The following CCDC178 variants were observed in gnomAD, a reference collection of about 807,000 sequenced individuals.
CCDC178 encodes the protein coiled-coil domain-containing protein 178.
In CCDC178, 126 loss-of-function variants were observed where a neutral mutation model predicts 117.4. The observed-to-expected ratio is 1.07, with a 90% confidence interval of 0.93 to 1.24. The LOEUF (loss-of-function observed/expected upper bound fraction) is 1.24. CCDC178 is among the 50% of genes most tolerant of loss of function. The pLI is 0.00. For synonymous variants in CCDC178, 283 were observed against 313.4 expected (o/e 0.90, Z 1.02); for missense variants, 1,030 against 986.9 (o/e 1.04, Z -0.59).
chr18:32,996,954 T>A (rs1276696530), intron 21 of CCDC178, among the ~76,000 whole-genome samples: 1 of 152,158 alleles, frequency 6.6e-6, no homozygotes, highest in African/African-American at 2.4e-5. Context: ...TTAAGTAAAG[T>A]TATAGAATAA....
chr18:33,259,358 T>C (rs1393657588), intron 14 of CCDC178, among the ~76,000 whole-genome samples: 1 of 152,164 alleles, frequency 6.6e-6, no homozygotes, highest in Admixed American at 6.5e-5. Context: ...ACTGTATTAG[T>C]CCATTTTCAC....
intron 15 of CCDC178, among the ~76,000 whole-genome samples, chr18:33,231,874 C>T (rs1484716363): frequency 6.6e-6 from 1 of 152,184 alleles, no homozygotes; most frequent in Non-Finnish European, 1.5e-5. Context: ...GAGAGAGCAG[C>T]CTCTTCCATG....
chr18:33,217,583 CTA>C (rs1176506357), intron 18 of CCDC178, among the ~76,000 whole-genome samples: 1 of 150,896 alleles, frequency 6.6e-6, no homozygotes, highest in Non-Finnish European at 1.5e-5. Flanking sequence ...CTATATTGGC[CTA>C]TGTCATAAAT....
intron 7 of CCDC178, among the ~76,000 whole-genome samples, chr18:33,354,900 G>A (rs1431813154): frequency 3.3e-5 from 5 of 152,038 alleles, no homozygotes; most frequent in South Asian, 2.1e-4. Flanking sequence ...ATGAGCCACC[G>A]CACCCAGCCT....
intron 21 of CCDC178, among the ~76,000 whole-genome samples, chr18:33,062,392 C>A (rs2056938111): frequency 6.6e-6 from 1 of 152,120 alleles, no homozygotes; most frequent in Non-Finnish European, 1.5e-5. Context: ...CAGATAAGGA[C>A]CAAACAGCGA....
chr18:33,271,653 A>C (rs1042772873), intron 12 of CCDC178, among the ~76,000 whole-genome samples: 1 of 151,702 alleles, frequency 6.6e-6, no homozygotes, highest in African/African-American at 2.4e-5. Flanking sequence ...AGAGAGAAAT[A>C]GAAAATTTGA....
intron 2 of CCDC178, among the ~76,000 whole-genome samples, chr18:33,437,459 T>C (rs2064307787): frequency 6.6e-6 from 1 of 152,212 alleles, no homozygotes; most frequent in Non-Finnish European, 1.5e-5. Flanking sequence ...TCCAGTTCAT[T>C]GGTTTGTGGT....
At chr18:33,242,525 CA>C (rs1413066271) in intron 15 of CCDC178, among the ~76,000 whole-genome samples, 1 of 150,312 alleles carries the variant, frequency 6.7e-6, no homozygotes, top group African/African-American at 2.4e-5. Context: ...GATTAATATC[CA>C]GAATACACAA....
intron 21 of CCDC178, among the ~76,000 whole-genome samples, chr18:33,062,842 A>G (rs2056946861): frequency 6.6e-6 from 1 of 152,042 alleles, no homozygotes; most frequent in African/African-American, 2.4e-5. Flanking sequence ...CCTCACTGAT[A>G]TCTCCCCACA....
chr18:33,035,392 A>G (rs1272832172), intron 21 of CCDC178, among the ~76,000 whole-genome samples: 1 of 152,020 alleles, frequency 6.6e-6, no homozygotes, highest in African/African-American at 2.4e-5. Context: ...GATAAAGAAA[A>G]TATCACATAT....
chr18:32,974,450 C>T (rs2054990818), intron 22 of CCDC178, 97 bp downstream of exon 22: 1 of 1,165,322 alleles, frequency 8.6e-7, no homozygotes, highest in African/African-American at 1.5e-5. Context: ...TTATAAAACT[C>T]TGATGGGATA....
chr18:32,937,808 G>T lies in CCDC178; in HGVS notation c.*203C>A. 1.9e-6 allele frequency: 1 copy of T among 540,326 alleles called. No individual in the cohort carries two copies. The highest frequency in any genetic ancestry group is 3.3e-6 in the Non-Finnish European group (1 of 302,102). The allele number at this position is 540,326 out of a possible 1,614,324, so 33.5% of individuals were successfully genotyped here. A position where few individuals can be genotyped will look rare whatever the true frequency, so the allele number is the denominator to read the frequency against. On this transcript the variant is annotated 3_prime_UTR_variant, in exon 23 of 23. Coordinates refer to ENST00000383096, the MANE Select transcript of CCDC178 (RefSeq NM_001105528.4). ...CCAGAGCTGAAATTAGATCGTTCCT[G>T]ACAGCAGCATGAAAGTCACCTGTTT...
intron 6 of CCDC178, among the ~76,000 whole-genome samples, chr18:33,358,834 C>A: frequency 6.6e-6 from 1 of 151,656 alleles, no homozygotes; most frequent in Admixed American, 6.6e-5. Flanking sequence ...GTGTTTACAA[C>A]ATATACAACT....
At chr18:33,109,456 G>A (rs746962013) in intron 20 of CCDC178, among the ~76,000 whole-genome samples, 1 of 151,396 alleles carries the variant, frequency 6.6e-6, no homozygotes, top group East Asian at 1.9e-4. Flanking sequence ...GTGGTCGATG[G>A]GTTTTCTACT....
chr18:32,952,529 C>T (rs1344097871), intron 22 of CCDC178, among the ~76,000 whole-genome samples: 1 of 152,160 alleles, frequency 6.6e-6, no homozygotes, highest in African/African-American at 2.4e-5. Flanking sequence ...TATGTGGCCA[C>T]ATAGAACAGG....
chr18:33,212,947 T>A (rs1225810966), intron 19 of CCDC178, among the ~76,000 whole-genome samples: 1 of 152,004 alleles, frequency 6.6e-6, no homozygotes, highest in Non-Finnish European at 1.5e-5. Context: ...AGTCTTATTC[T>A]ATCCACATTA....
At chr18:33,224,990 G>A (rs962458158) in intron 16 of CCDC178, 54 bp from the exon 17 acceptor site, 5 of 1,317,424 alleles carry the variant, frequency 3.8e-6, no homozygotes, top group Non-Finnish European at 5.0e-6. Flanking sequence ...AACATTTATT[G>A]AGCCTCTTAT....
chr18:32,997,843 T>C (rs955134733), intron 21 of CCDC178, among the ~76,000 whole-genome samples: 2 of 152,164 alleles, frequency 1.3e-5, no homozygotes, highest in Non-Finnish European at 2.9e-5. Context: ...ATAATTCATT[T>C]TGATATGAGA....
intron 11 of CCDC178, among the ~76,000 whole-genome samples, chr18:33,322,349 T>C (rs1477437243): frequency 6.6e-6 from 1 of 151,956 alleles, no homozygotes; most frequent in Non-Finnish European, 1.5e-5. Context: ...ATAATGTTAA[T>C]GTTGTGGTAT....
Sources: gnomAD v4.1 joint callset for allele counts (sites outside exome capture counted in the v4.1 genomes callset) on GRCh38, gnomAD v4.1.1 for gene constraint, MANE v1.5 for transcripts, NCBI Gene and HGNC (gene_info 2026-07-23, HGNC 2026-07-21) for gene names.